Variants in CEP83 observed in about 807,000 individuals in gnomAD.
CEP83 encodes the protein centrosomal protein 83, also known as centrosomal protein of 83 kDa.
A neutral mutation model predicts 101.9 loss-of-function variants in CEP83; 70 were observed. That is an observed-to-expected ratio of 0.69 (90% CI 0.57 to 0.84). The LOEUF is 0.84. Ranked by LOEUF, CEP83 falls within the 40% of genes least tolerant of loss-of-function variation. The pLI is 0.00. For synonymous variants in CEP83, 264 were observed against 267.9 expected, an observed-to-expected ratio of 0.99 and a Z score of 0.14; for missense variants, 715 against 787.2, an observed-to-expected ratio of 0.91 and a Z score of 1.10.
In CEP83 at chr12:94,439,206, GAAC is replaced by G. The variant is rs773928255; in HGVS notation, c.-154-3882_-154-3880del. On this transcript the variant is annotated intron_variant, in intron 1 of 16. Transcript: ENST00000397809. Reference sequence around the variant, plus strand: ...AAATGAAATTGAAACACAACAACAAGAACAACAACAAAATACAAAAGATAAATT... The same window carrying G: ...AAATGAAATTGAAACACAACAACAAGAACAACAAAATACAAAAGATAAATT... Among the ~76,000 whole-genome samples, 258 of 151,900 alleles carry G rather than the reference GAAC, an allele frequency of 1.7e-3. 1 individual carries two copies. The Middle Eastern group carries it at 0.02, about 12-fold the overall frequency.
intron 11 of CEP83, among the ~76,000 whole-genome samples, chr12:94,355,446 G>A (rs528052673): frequency 3.6e-4 from 55 of 152,140 alleles, no homozygotes; most frequent in African/African-American, 1.3e-3. Context: ...TGAGCAGATC[G>A]CACCACTGCA....
chr12:94,412,693 C>CTTTT (rs11330562), intron 2 of CEP83, 102 bp from the exon 3 acceptor site: 6 of 213,896 alleles, frequency 2.8e-5, no homozygotes, highest in Non-Finnish European at 3.3e-5. Flanking sequence ...TTTTTTTTTT[C>CTTTT]TTTTTTTTTT....
At chr12:94,312,882 A>G in intron 15 of CEP83, 32 bp downstream of exon 15, 1 of 1,297,360 alleles carries the variant, frequency 7.7e-7, no homozygotes. Context: ...CAAAATAACC[A>G]CATGGGGAAG....
chr12:94,333,244 G>A (rs965524910), intron 13 of CEP83, among the ~76,000 whole-genome samples: 1 of 151,938 alleles, frequency 6.6e-6, no homozygotes, highest in African/African-American at 2.4e-5. Flanking sequence ...AGGTTTTTCA[G>A]AATACTATAC....
chr12:94,338,576 T>A (rs907586552), intron 11 of CEP83, among the ~76,000 whole-genome samples: 1 of 152,114 alleles, frequency 6.6e-6, no homozygotes, highest in East Asian at 1.9e-4. Context: ...GGGAGAGGCA[T>A]TAAAAAAATG....
rs587777486 is a variant in CEP83, at chr12:94,412,370, G to A, written c.121C>T (p.Arg41Ter). ...FQKMLIDERL[R>*]CEHHKANYQT... ...TAATTAGCTTTATGATGCTCACATC[G>A]TAACCTTTCATCAATTAACATTTTC... Residue 41 changes from arginine (R) to a stop codon, truncating the protein, a stop_gained, in exon 3 of 17, where the codon CGA becomes TGA. Coordinates refer to ENST00000397809, the MANE Select transcript of CEP83 (RefSeq NM_016122.3). LOFTEE classifies it high-confidence loss of function. 1.1e-5 allele frequency: 17 copies of A among 1,612,430 alleles called. No homozygotes were observed. Among genetic ancestry groups the A allele is most frequent in the South Asian group, 5.5e-5 (5 of 90,928 alleles).
chr12:94,429,753 T>C (rs1312734576), intron 2 of CEP83, among the ~76,000 whole-genome samples: 1 of 152,058 alleles, frequency 6.6e-6, no homozygotes, highest in Non-Finnish European at 1.5e-5. Context: ...CTGCCCAGGC[T>C]AAAGCACAAG....
At chr12:94,404,021 T>A (rs2063402897) in intron 4 of CEP83, among the ~76,000 whole-genome samples, 1 of 152,186 alleles carries the variant, frequency 6.6e-6, no homozygotes, top group Non-Finnish European at 1.5e-5. Flanking sequence ...TTACTATATA[T>A]AAAGCATTGT....
chr12:94,375,919 T>C lies in CEP83; in HGVS notation c.900A>G (p.Lys300=). The change falls in exon 8 of 17, where the codon AAA becomes AAG. Residue 300 remains lysine, a synonymous_variant. Coordinates refer to ENST00000397809, the MANE Select transcript of CEP83 (RefSeq NM_016122.3). ...QNTFLINKLH[K]AEREINTLSS... ...ACAATGTATTTATTTCTCGTTCAGC[T>C]TTATGCAATTTATTAATTAAAAAGG... 1 of 1,521,398 alleles carries C rather than the reference T, an allele frequency of 6.6e-7. No homozygotes were observed. The highest frequency in any genetic ancestry group is 1.8e-5 in the Admixed American group (1 of 54,972). 94.2% of individuals were successfully genotyped at this position (1,521,398 alleles called of 1,614,324 possible).
At chr12:94,426,952 C>A (rs888580589) in intron 2 of CEP83, among the ~76,000 whole-genome samples, 2 of 152,186 alleles carry the variant, frequency 1.3e-5, no homozygotes, top group African/African-American at 4.8e-5. Context: ...TGATTTCTGA[C>A]TTCTAATCTC....
At chr12:94,301,005 T>C in the CEP83 span, 3 of 1,613,902 alleles carry the variant, frequency 1.9e-6, no homozygotes, top group Non-Finnish European at 2.5e-6. Flanking sequence ...TTGTCAGTGA[T>C]TGCCCAGGCA....
chr12:94,418,972 C>A (rs1384009180), intron 2 of CEP83, among the ~76,000 whole-genome samples: 2 of 151,262 alleles, frequency 1.3e-5, no homozygotes, highest in African/African-American at 2.4e-5. Flanking sequence ...GTGATCAAAA[C>A]AAGAAAGTCC....
chr12:94,281,331 T>C, the CEP83 span, among the ~76,000 whole-genome samples: 1 of 152,024 alleles, frequency 6.6e-6, no homozygotes, highest in Non-Finnish European at 1.5e-5. Flanking sequence ...CAGAAGCAGC[T>C]ATGCTTGGAG....
rs897859309 is a variant in CEP83 at position 94,459,754 on chromosome 12, C to A, written c.-352G>T. ...AGCGAGAGGAAGAGGGCCGAACGGA[C>A]CCCTCGGGCTCCCGTCCCTAGGGAA... On this transcript the variant is annotated 5_prime_UTR_variant, in exon 1 of 17. Coordinates refer to ENST00000397809, the MANE Select transcript of CEP83 (RefSeq NM_016122.3). 1 of 152,714 alleles carries A rather than the reference C, an allele frequency of 6.5e-6. No homozygotes were observed. The highest frequency in any genetic ancestry group is 2.4e-5 in the African/African-American group (1 of 41,468). The allele number at this position is 152,714 out of a possible 1,614,324, so 9.5% of individuals were successfully genotyped here.
chr12:94,431,971 GA>G (rs2065659683), intron 2 of CEP83, among the ~76,000 whole-genome samples: 1 of 152,110 alleles, frequency 6.6e-6, no homozygotes, highest in Non-Finnish European at 1.5e-5. Context: ...ATGTCAAAGG[GA>G]TACCTGGACT....
intron 11 of CEP83, among the ~76,000 whole-genome samples, chr12:94,336,316 G>A (rs1593230552): frequency 2.6e-5 from 4 of 152,298 alleles, no homozygotes; most frequent in South Asian, 4.1e-4. Context: ...GTAACCTCAT[G>A]AGGAAGACAT....
At chr12:94,345,559 T>C (rs1283261021) in intron 11 of CEP83, among the ~76,000 whole-genome samples, 1 of 152,106 alleles carries the variant, frequency 6.6e-6, no homozygotes. Context: ...TGCGCCTTTT[T>C]CTCTCCAAGG....
intron 1 of CEP83, among the ~76,000 whole-genome samples, chr12:94,442,502 C>CA (rs1372955054): frequency 6.6e-6 from 1 of 150,638 alleles, no homozygotes; most frequent in Non-Finnish European, 1.5e-5. Flanking sequence ...CCTGTTCCCC[C>CA]AAAACTATTG....
chr12:94,298,740 G>T, the CEP83 span: 1 of 1,613,056 alleles, frequency 6.2e-7, no homozygotes, highest in Non-Finnish European at 8.5e-7. Context: ...GGACGCCCAG[G>T]CTGAAAACAA....
Sources: allele counts gnomAD v4.1 joint callset (sites outside exome capture counted in the v4.1 genomes callset), GRCh38; gene constraint gnomAD v4.1.1; transcripts MANE v1.5; gene names NCBI Gene and HGNC (gene_info 2026-07-23, HGNC 2026-07-21).